HNF4A: variants seen among roughly 807,000 people sequenced by gnomAD.
The protein encoded by HNF4A is hepatocyte nuclear factor 4 alpha, also known as hepatocyte nuclear factor 4-alpha.
In HNF4A, 15 loss-of-function variants were observed where a neutral mutation model predicts 52.4. The observed-to-expected ratio is 0.29, with a 90% CI of 0.19 to 0.44. HNF4A has a LOEUF of 0.44. Among genes scored for constraint, HNF4A ranks in the 20% least tolerant of loss-of-function variants. The pLI is 1.00. For synonymous variants in HNF4A, 280 were observed against 264.4 expected, an observed-to-expected ratio of 1.06 and a Z score of -0.57; for missense variants, 479 against 647.2, an observed-to-expected ratio of 0.74 and a Z score of 2.82.
intron 1 of HNF4A, among the ~76,000 whole-genome samples, chr20:44,375,159 T>C (rs2063071619): frequency 6.6e-6 from 1 of 151,716 alleles, no homozygotes; most frequent in Non-Finnish European, 1.5e-5. Context: ...TTTTTCATCT[T>C]TGTTGGCCGC....
intron 2 of HNF4A, 80 bp from the exon 3 acceptor site, chr20:44,407,301 C>T: frequency 9.4e-7 from 1 of 1,064,160 alleles, no homozygotes; most frequent in Non-Finnish European, 1.4e-6. Flanking sequence ...GGGGGGTCAA[C>T]TGGATAGCCA....
chr20:44,411,166 G>T (rs962785743), intron 3 of HNF4A, among the ~76,000 whole-genome samples: 33 of 152,272 alleles, frequency 2.2e-4, no homozygotes, highest in African/African-American at 7.2e-4. Context: ...GTTGCAGGAG[G>T]TGAGCGTAGG....
upstream of HNF4A, among the ~76,000 whole-genome samples, chr20:44,399,486 A>G (rs1180918281): frequency 1.3e-5 from 2 of 152,156 alleles, no homozygotes; most frequent in Non-Finnish European, 2.9e-5. Flanking sequence ...TCTCAGCTTC[A>G]GAGGTCAGAT....
At chr20:44,405,937 G>T (rs1403737760) in intron 1 of HNF4A, 121 bp from the exon 2 acceptor site, 32 of 915,860 alleles carry the variant, frequency 3.5e-5, no homozygotes, top group Non-Finnish European at 5.2e-5. Flanking sequence ...GGAGGTGATG[G>T]AGTGGGAACA....
intron 1 of HNF4A, among the ~76,000 whole-genome samples, chr20:44,356,372 T>G (rs1401193337): frequency 1.3e-5 from 2 of 152,116 alleles, no homozygotes; most frequent in African/African-American, 4.8e-5. Flanking sequence ...GAATATCTTG[T>G]GCGGACGTGT....
chr20:44,364,555 C>G (rs994978495), intron 1 of HNF4A, among the ~76,000 whole-genome samples: 12 of 152,066 alleles, frequency 7.9e-5, no homozygotes, highest in African/African-American at 2.9e-4. Flanking sequence ...ACTGCAACCT[C>G]CGCCTCCTGG....
In HNF4A at chr20:44,418,498, A is replaced by G. The variant is rs777727657; in HGVS notation, c.722A>G (p.Asp241Gly). 3 of 1,612,784 alleles carry G rather than the reference A, an allele frequency of 1.9e-6. No homozygotes were observed. The highest frequency in any genetic ancestry group is 2.5e-6 in the Non-Finnish European group (3 of 1,179,814). Residue 241 changes from aspartate to glycine, a missense_variant, in exon 6 of 10, where the codon GAC becomes GGC. Asp to Gly is a moderately conservative substitution (Grantham distance 94, BLOSUM62 -1). This residue lies in a region of HNF4A where 389 missense variants were observed against 525.1 expected (regional missense o/e 0.74). Transcript: ENST00000316099. The stretch of plus-strand genomic sequence containing the variant: ...ACCAAGAGATCCATGGTGTTCAAGG[A>G]CGTGCTGCTCCTAGGTGAGGCGGCT...
Position 44,428,368 on chromosome 20 carries a change from C to A in HNF4A, c.1163C>A (p.Pro388His), listed in dbSNP as rs193922469. ...AGCGATGCACCCCATGCCCACCACC[C>A]CCTGCACCCTCACCTGATGCAGGAA... The change falls in exon 9 of 10, where the codon CCC (proline) becomes CAC (histidine). Residue 388 changes from proline (P) to histidine (H), a missense_variant. Coordinates refer to ENST00000316099, the MANE Select transcript of HNF4A (RefSeq NM_000457.6). The A allele has an allele frequency of 6.2e-7, 1 of 1,613,964 alleles. No individual in the cohort carries two copies. The highest frequency in any genetic ancestry group is 8.5e-7 in the Non-Finnish European group (1 of 1,179,958).
chr20:44,419,537 G>A (rs758507396), intron 6 of HNF4A, among the ~76,000 whole-genome samples, 184 bp from the exon 7 acceptor site: 4 of 152,212 alleles, frequency 2.6e-5, no homozygotes, highest in Non-Finnish European at 5.9e-5. Context: ...TCAGCCGGAT[G>A]ACTCAAGGCA....
At chr20:44,376,826 C>T (rs2063090518) in intron 1 of HNF4A, among the ~76,000 whole-genome samples, 1 of 152,142 alleles carries the variant, frequency 6.6e-6, no homozygotes, top group Non-Finnish European at 1.5e-5. Context: ...ACATATCCTG[C>T]AGCAACTTCC....
At chr20:44,368,160 AT>A (rs1181828023) in intron 1 of HNF4A, among the ~76,000 whole-genome samples, 105 of 27,726 alleles carry the variant, frequency 3.8e-3, no homozygotes, top group African/African-American at 0.011. Flanking sequence ...ATATATATAT[AT>A]TTTTTTTTTT....
intron 3 of HNF4A, among the ~76,000 whole-genome samples, chr20:44,413,268 C>T (rs1184484536): frequency 6.6e-6 from 1 of 152,168 alleles, no homozygotes; most frequent in Non-Finnish European, 1.5e-5. Flanking sequence ...TCCTCTTGTT[C>T]AGGAATCCCC....
intron 5 of HNF4A, among the ~76,000 whole-genome samples, chr20:44,416,762 T>A (rs1474964927): frequency 6.6e-6 from 1 of 152,216 alleles, no homozygotes; most frequent in Non-Finnish European, 1.5e-5. Context: ...GAAGGCTTAT[T>A]TTGTGCCAAA....
At chr20:44,404,194 C>G (rs1408253917) in intron 1 of HNF4A, among the ~76,000 whole-genome samples, 2 of 152,126 alleles carry the variant, frequency 1.3e-5, no homozygotes, top group African/African-American at 4.8e-5. Flanking sequence ...TACTATGTGC[C>G]AAGCACTTCA....
chr20:44,413,740 T>C lies in HNF4A; in HGVS notation c.432T>C (p.Tyr144=). The change falls in exon 4 of 10, where the codon TAT becomes TAC. Residue 144 remains tyrosine, a synonymous_variant. Transcript: ENST00000316099. The stretch of plus-strand genomic sequence containing the variant: ...GGATCAGCACTCGAAGGTCAAGCTA[T>C]GAGGACAGCAGCCTGCCCTCCATCA... 1 of 1,613,978 alleles carries C rather than the reference T, an allele frequency of 6.2e-7. No individual in the cohort carries two copies. The highest frequency in any genetic ancestry group is 2.2e-5 in the East Asian group (1 of 44,844).
At chr20:44,427,685 T>C (rs2063829123) in intron 8 of HNF4A, among the ~76,000 whole-genome samples, 1 of 152,210 alleles carries the variant, frequency 6.6e-6, no homozygotes, top group Non-Finnish European at 1.5e-5. Flanking sequence ...GTAATGCTCA[T>C]AGACAGAAGA....
downstream of HNF4A, chr20:44,434,313 A>G (rs919788646): frequency 1.3e-4 from 20 of 152,186 alleles, no homozygotes; most frequent in African/African-American, 4.8e-4. Context: ...TGAGGAGTAC[A>G]AGTGAACTCT....
intron 1 of HNF4A, among the ~76,000 whole-genome samples, chr20:44,405,520 G>T (rs935507476): frequency 2.6e-5 from 4 of 151,662 alleles, no homozygotes; most frequent in Non-Finnish European, 5.9e-5. Context: ...TTTGCCTGTG[G>T]GATGGGAGGG....
intron 3 of HNF4A, among the ~76,000 whole-genome samples, chr20:44,407,757 T>TTATG (rs141951275): frequency 6.9e-6 from 1 of 145,846 alleles, no homozygotes; most frequent in Non-Finnish European, 1.5e-5. Flanking sequence ...AGCAGCCACG[T>TTATG]TGTGTGTGTG....
Sources: allele counts gnomAD v4.1 joint callset (sites outside exome capture counted in the v4.1 genomes callset), GRCh38; gene constraint gnomAD v4.1.1; regional missense constraint gnomAD v4.1.1; transcripts MANE v1.5; gene names NCBI Gene and HGNC (gene_info 2026-07-23, HGNC 2026-07-21).